Variants in LINGO2 observed in about 807,000 individuals in gnomAD.
The protein encoded by LINGO2 is leucine-rich repeat and immunoglobulin-like domain-containing nogo receptor-interacting protein 2.
Under a neutral mutation model 30.6 loss-of-function variants are expected in LINGO2, and 14 were observed. That is an observed-to-expected ratio of 0.46 (90% CI 0.30 to 0.72). LINGO2 has a LOEUF of 0.72. LINGO2 is among the 30% of genes least tolerant of loss of function. The probability of loss-of-function intolerance (pLI) is 0.07; values close to 1 mark genes in which losing one functional copy is unlikely to be tolerated. For missense variants in LINGO2, 729 were observed against 751.7 expected, an observed-to-expected ratio of 0.97 and a Z score of 0.35; for synonymous variants, 317 against 288.5, an observed-to-expected ratio of 1.10 and a Z score of -1.00.
chr9:27,981,551 G>GAAAAAAAAAAAAAAAAAAAAAAAAAAA (rs1279785343), intron 5 of LINGO2, among the ~76,000 whole-genome samples: 3 of 87,136 alleles, frequency 3.4e-5, no homozygotes, highest in African/African-American at 1.3e-4. Context: ...AAAAAAAAAA[G>GAAAAAAAAAAAAAAAAAAAAAAAAAAA]AAAAAAAAGA....
At chr9:28,322,637 C>T (rs1825088771) in intron 3 of LINGO2, among the ~76,000 whole-genome samples, 1 of 152,104 alleles carries the variant, frequency 6.6e-6, no homozygotes, top group South Asian at 2.1e-4. Flanking sequence ...GGATCCAAGG[C>T]CAGGCTCTTA....
At chr9:28,803,941 A>G in the LINGO2 span, among the ~76,000 whole-genome samples, 140 of 152,214 alleles carry the variant, frequency 9.2e-4, no homozygotes, top group Non-Finnish European at 1.6e-3. Context: ...TCAAAGAATT[A>G]TAAAGGTAAG....
At chr9:29,206,285 G>A in the LINGO2 span, among the ~76,000 whole-genome samples, 5 of 152,238 alleles carry the variant, frequency 3.3e-5, no homozygotes, top group South Asian at 6.2e-4. Flanking sequence ...CAATTATTAT[G>A]AGCATTTGTA....
chr9:29,076,632 A>AAT, the LINGO2 span, among the ~76,000 whole-genome samples: 27,836 of 138,832 alleles, frequency 0.2, 2,775 homozygotes, highest in South Asian at 0.25. Context: ...TAAATAAATA[A>AAT]ATATATATAT....
the LINGO2 span, among the ~76,000 whole-genome samples, chr9:28,981,001 G>T: frequency 6.6e-6 from 1 of 151,972 alleles, no homozygotes; most frequent in Admixed American, 6.6e-5. Flanking sequence ...GGGTGAAACC[G>T]TACCTTACTG....
the LINGO2 span, among the ~76,000 whole-genome samples, chr9:28,741,014 G>C: frequency 6.6e-6 from 1 of 151,952 alleles, no homozygotes; most frequent in Non-Finnish European, 1.5e-5. Context: ...CTGGTACCTG[G>C]TTCCCCTGAG....
At chr9:28,559,860 G>A (rs116067461) in intron 1 of LINGO2, among the ~76,000 whole-genome samples, 1 of 151,900 alleles carries the variant, frequency 6.6e-6, no homozygotes, top group African/African-American at 2.4e-5. Flanking sequence ...TGGATCTGAG[G>A]CTGGAATCTA....
chr9:27,979,832 AAAT>A (rs762347237), intron 5 of LINGO2, among the ~76,000 whole-genome samples: 7 of 152,016 alleles, frequency 4.6e-5, no homozygotes, highest in Non-Finnish European at 1.0e-4. Context: ...CTTTCACAGG[AAAT>A]AATTAGTTCT....
At chr9:28,345,105 G>A (rs1395421323) in intron 3 of LINGO2, among the ~76,000 whole-genome samples, 1 of 151,544 alleles carries the variant, frequency 6.6e-6, no homozygotes, top group Non-Finnish European at 1.5e-5. Context: ...AAAAAAAAAA[G>A]AGGTACCCCT....
intron 1 of LINGO2, among the ~76,000 whole-genome samples, chr9:28,592,156 C>A (rs575530174): frequency 2.0e-5 from 3 of 151,976 alleles, no homozygotes; most frequent in Non-Finnish European, 4.4e-5. Context: ...TTTATTGTTT[C>A]ATTTAATCTT....
At chr9:28,991,199 C>T in the LINGO2 span, among the ~76,000 whole-genome samples, 4 of 151,860 alleles carry the variant, frequency 2.6e-5, no homozygotes, top group South Asian at 2.1e-4. Context: ...AGCCATGGCT[C>T]GAGAACTACG....
the LINGO2 span, among the ~76,000 whole-genome samples, chr9:28,751,739 C>T: frequency 6.6e-6 from 1 of 151,794 alleles, no homozygotes; most frequent in Non-Finnish European, 1.5e-5. Flanking sequence ...TACTAGTATA[C>T]AAAACAAGTT....
chr9:28,856,143 G>A, the LINGO2 span, among the ~76,000 whole-genome samples: 8 of 151,852 alleles, frequency 5.3e-5, no homozygotes, highest in African/African-American at 1.9e-4. Context: ...AATATGAATA[G>A]GAATAATTCT....
In LINGO2 at chr9:27,958,252, T is replaced by C. The variant is rs1284524604; in HGVS notation, c.-35-7546A>G. On this transcript the variant is annotated intron_variant, in intron 5 of 5. Coordinates refer to ENST00000379992, the Ensembl canonical transcript of LINGO2. Reference sequence around the variant, plus strand: ...CTTTTAATATGACAAGTAATACTGATTAATTTTTGAAGATTAAACCAACCT... The same window carrying C: ...CTTTTAATATGACAAGTAATACTGACTAATTTTTGAAGATTAAACCAACCT... Among the ~76,000 whole-genome samples, 15 of 152,242 alleles carry C rather than the reference T, an allele frequency of 9.9e-5. No homozygotes were observed. The East Asian group carries it at 2.9e-3, about 29-fold the overall frequency.
At chr9:28,771,124 T>C in the LINGO2 span, among the ~76,000 whole-genome samples, 7 of 152,170 alleles carry the variant, frequency 4.6e-5, no homozygotes, top group Admixed American at 2.6e-4. Flanking sequence ...TCCCTTTTAA[T>C]CTACACTTTA....
chr9:28,449,032 CGTGTGTGTGT>C (rs140779747), intron 2 of LINGO2, among the ~76,000 whole-genome samples: 193 of 137,994 alleles, frequency 1.4e-3, no homozygotes, highest in Non-Finnish European at 2.1e-3. Flanking sequence ...TATTCACATT[CGTGTGTGTGT>C]GTGTGTGTGT....
chr9:28,285,703 C>A lies in LINGO2; in HGVS notation c.-87+9505G>T, dbSNP rs1037188597. On this transcript the variant is annotated intron_variant, in intron 4 of 5. Transcript: ENST00000379992. ...TACAGGCGTGAGCCACTGCACCCTG[C>A]TGCCCAAGATCATTAATTAGTGTCA... Among the ~76,000 whole-genome samples, 4 of 151,974 alleles carry A rather than the reference C, an allele frequency of 2.6e-5. 1 individual carries two copies. Among genetic ancestry groups the A allele is most frequent in the African/African-American group, 9.7e-5 (4 of 41,380 alleles).
chr9:28,582,731 C>A (rs998180470), intron 1 of LINGO2, among the ~76,000 whole-genome samples: 1 of 152,058 alleles, frequency 6.6e-6, no homozygotes, highest in African/African-American at 2.4e-5. Flanking sequence ...AAGATTTTGC[C>A]TTACAAACGC....
At chr9:28,764,729 C>T in the LINGO2 span, among the ~76,000 whole-genome samples, 3 of 151,710 alleles carry the variant, frequency 2.0e-5, no homozygotes, top group Non-Finnish European at 2.9e-5. Flanking sequence ...TTGTGAATGA[C>T]GTAATCCTAT....
Sources: gnomAD v4.1 joint callset for allele counts (sites outside exome capture counted in the v4.1 genomes callset) on GRCh38, gnomAD v4.1.1 for gene constraint, MANE v1.5 for transcripts, NCBI Gene and HGNC (gene_info 2026-07-23, HGNC 2026-07-21) for gene names.